Variants in LYPD6 observed in about 807,000 individuals in gnomAD.
LYPD6 encodes the protein ly6/PLAUR domain-containing protein 6.
In LYPD6, 15 loss-of-function variants were observed where a neutral mutation model predicts 22.7. That is an observed-to-expected ratio of 0.66 (90% CI 0.44 to 1.02). The LOEUF (loss-of-function observed/expected upper bound fraction) is 1.02, where lower values mean the gene tolerates loss of function less well. Ranked by LOEUF, LYPD6 falls within the 50% of genes least tolerant of loss-of-function variation. The pLI is 0.00. For missense variants in LYPD6, 189 were observed against 208.4 expected, an observed-to-expected ratio of 0.91 and a Z score of 0.57; for synonymous variants, 72 against 77.5, an observed-to-expected ratio of 0.93 and a Z score of 0.37.
In LYPD6 at chr2:149,472,607, T is replaced by C. The variant is rs1681367547; in HGVS notation, c.*1757T>C. ...AGAGTTTGTTAGGCTTATCAGTATG[T>C]TGCTTTTAATTGGGGTGGGAAAGTA... is the stretch of plus-strand genomic sequence containing the variant. On this transcript the variant is annotated 3_prime_UTR_variant, in exon 5 of 5. Coordinates refer to ENST00000334166, the MANE Select transcript of LYPD6 (RefSeq NM_194317.5). The C allele has an allele frequency of 6.6e-6, 1 of 152,646 alleles. No homozygotes were observed. The highest frequency in any genetic ancestry group is 6.5e-5 in the Admixed American group (1 of 15,282). 9.5% of individuals were successfully genotyped at this position (152,646 alleles called of 1,614,324 possible).
At chr2:149,454,744 C>T (rs1680912494) in intron 3 of LYPD6, among the ~76,000 whole-genome samples, 1 of 152,060 alleles carries the variant, frequency 6.6e-6, no homozygotes, top group African/African-American at 2.4e-5. Context: ...CTTGCCAACA[C>T]CTAGTATTGA....
At chr2:149,413,682 C>G (rs1463388667) in intron 1 of LYPD6, among the ~76,000 whole-genome samples, 1 of 152,204 alleles carries the variant, frequency 6.6e-6, no homozygotes, top group East Asian at 1.9e-4. Context: ...CCAATACTCA[C>G]TGACATGGAG....
intron 3 of LYPD6, chr2:149,464,190 A>C (rs1302504964): frequency 1.0e-5 from 4 of 386,888 alleles, no homozygotes; most frequent in Non-Finnish European, 1.0e-5. Flanking sequence ...GAAAAGCCAG[A>C]TATCCCAAAT....
At chr2:149,351,451 G>A (rs1387848699) in intron 1 of LYPD6, among the ~76,000 whole-genome samples, 2 of 149,846 alleles carry the variant, frequency 1.3e-5, no homozygotes, top group African/African-American at 4.9e-5. Context: ...TTTTATTACT[G>A]ACTGAGAATT....
At chr2:149,340,726 C>A (rs1199094780) in intron 1 of LYPD6, among the ~76,000 whole-genome samples, 1 of 152,080 alleles carries the variant, frequency 6.6e-6, no homozygotes, top group East Asian at 1.9e-4. Flanking sequence ...TTAAAATTAC[C>A]CATTAATGCT....
intron 1 of LYPD6, among the ~76,000 whole-genome samples, chr2:149,362,596 A>G (rs151043703): frequency 4.6e-5 from 7 of 152,280 alleles, no homozygotes; most frequent in African/African-American, 1.7e-4. Flanking sequence ...TACTTGTTTC[A>G]TGGTTCCAGA....
At chr2:149,440,984 C>T (rs555036371) in intron 2 of LYPD6, among the ~76,000 whole-genome samples, 12 of 152,144 alleles carry the variant, frequency 7.9e-5, no homozygotes, top group South Asian at 2.1e-4. Flanking sequence ...GGATTACAGG[C>T]GTGAGCCACC....
intron 1 of LYPD6, among the ~76,000 whole-genome samples, chr2:149,353,086 T>C (rs1304691182): frequency 6.6e-6 from 1 of 152,212 alleles, no homozygotes; most frequent in African/African-American, 2.4e-5. Context: ...TGCAGGCCAA[T>C]GTAGTCATCT....
intron 3 of LYPD6, chr2:149,464,016 T>TG: frequency 2.8e-6 from 1 of 354,966 alleles, no homozygotes; most frequent in South Asian, 2.3e-5. Context: ...TGTTACCATT[T>TG]GGGGAAACTA....
chr2:149,416,151 C>T (rs1271051039), intron 1 of LYPD6, among the ~76,000 whole-genome samples: 1 of 152,192 alleles, frequency 6.6e-6, no homozygotes, highest in Non-Finnish European at 1.5e-5. Context: ...GTTAGCATGA[C>T]AAACTATATG....
At chr2:149,482,094 G>C in the LYPD6 span, among the ~76,000 whole-genome samples, 1 of 152,000 alleles carries the variant, frequency 6.6e-6, no homozygotes, top group African/African-American at 2.4e-5. Flanking sequence ...AGATAATCTG[G>C]AGAAAATGAC....
intron 1 of LYPD6, among the ~76,000 whole-genome samples, chr2:149,422,112 C>T (rs1297159446): frequency 1.3e-5 from 2 of 152,124 alleles, no homozygotes; most frequent in Non-Finnish European, 2.9e-5. Context: ...AGATGAGTAA[C>T]CAGGTGCCTT....
chr2:149,437,834 T>G lies in LYPD6; in HGVS notation c.118+8T>G. On this transcript the variant is annotated splice_region_variant and intron_variant, in intron 2 of 4. Transcript: ENST00000334166. ...TCTACCTCCATCCTTCAAGTAAGAC[T>G]GTTCTCTTTGCTGCAGAAATATCAC... The G allele has an allele frequency of 6.2e-7, 1 of 1,613,282 alleles. No individual in the cohort carries two copies. The highest frequency in any genetic ancestry group is 2.2e-5 in the East Asian group (1 of 44,834).
At chr2:149,390,531 T>C (rs1282110842) in intron 1 of LYPD6, among the ~76,000 whole-genome samples, 1 of 152,250 alleles carries the variant, frequency 6.6e-6, no homozygotes, top group Non-Finnish European at 1.5e-5. Flanking sequence ...CCCTCTGTCC[T>C]ACTTAGAGAC....
chr2:149,351,636 A>G (rs1031595784), intron 1 of LYPD6, among the ~76,000 whole-genome samples: 2 of 152,178 alleles, frequency 1.3e-5, no homozygotes, highest in East Asian at 1.9e-4. Flanking sequence ...TTGAAGGTCT[A>G]CCATGCACCT....
rs148172019 is a variant in LYPD6, at chr2:149,348,686, A to G, written c.-72+17964A>G. Among the ~76,000 whole-genome samples the G allele has an allele frequency of 6.1e-3, 929 of 152,222 alleles. 2 individuals carry two copies. The highest frequency in any genetic ancestry group is 0.014 in the South Asian group (68 of 4,818). On this transcript the variant is annotated intron_variant, in intron 1 of 4. Coordinates refer to ENST00000334166, the MANE Select transcript of LYPD6 (RefSeq NM_194317.5). ...ATCACACTATGTTGATTCTTCCCCC[A>G]CTCTCTTCCTTCCTTCTTTGTGAGT...
chr2:149,396,825 A>G (rs543505515), intron 1 of LYPD6, among the ~76,000 whole-genome samples: 5 of 152,278 alleles, frequency 3.3e-5, no homozygotes, highest in African/African-American at 1.2e-4. Flanking sequence ...GAGTTAATAT[A>G]TGCATTCTGG....
At chr2:149,362,962 G>C (rs1681598975) in intron 1 of LYPD6, among the ~76,000 whole-genome samples, 1 of 152,140 alleles carries the variant, frequency 6.6e-6, no homozygotes, top group Non-Finnish European at 1.5e-5. Context: ...GCACCTCTTA[G>C]ATGAGGGTCA....
chr2:149,369,412 C>T (rs1258622509), intron 1 of LYPD6, among the ~76,000 whole-genome samples: 1 of 152,072 alleles, frequency 6.6e-6, no homozygotes, highest in Non-Finnish European at 1.5e-5. Flanking sequence ...GTGACATACC[C>T]ACAGCTCCTG....
Sources: allele counts gnomAD v4.1 joint callset (sites outside exome capture counted in the v4.1 genomes callset), GRCh38; gene constraint gnomAD v4.1.1; transcripts MANE v1.5; gene names NCBI Gene and HGNC (gene_info 2026-07-23, HGNC 2026-07-21).